Variants in LCLAT1 observed in about 807,000 individuals in gnomAD.
The protein encoded by LCLAT1 is 1-AGP acyltransferase 8.
Under a neutral mutation model 30.7 loss-of-function variants are expected in LCLAT1, and 11 were observed. The observed-to-expected ratio is 0.36, with a 90% confidence interval of 0.23 to 0.59. The LOEUF is 0.59. LCLAT1 is among the 20% of genes least tolerant of loss of function. The pLI is 0.77. For synonymous variants in LCLAT1, 155 were observed against 151.3 expected (o/e 1.02, Z -0.18); for missense variants, 402 against 458.6 (o/e 0.88, Z 1.13).
At chr2:30,492,389 A>G (rs145978411) in intron 1 of LCLAT1, among the ~76,000 whole-genome samples, 1 of 152,222 alleles carries the variant, frequency 6.6e-6, no homozygotes, top group East Asian at 1.9e-4. Flanking sequence ...ATATGAGCAA[A>G]TGCTTAGACA....
At chr2:30,499,298 A>G (rs1684254427) in intron 1 of LCLAT1, among the ~76,000 whole-genome samples, 2 of 152,194 alleles carry the variant, frequency 1.3e-5, no homozygotes, top group African/African-American at 4.8e-5. Context: ...CTCCTGCCTC[A>G]GCCTCCCGAG....
At chr2:30,569,387 G>A (rs757405452) in intron 5 of LCLAT1, among the ~76,000 whole-genome samples, 8 of 152,102 alleles carry the variant, frequency 5.3e-5, no homozygotes, top group Admixed American at 2.6e-4. Flanking sequence ...GTAACTATTC[G>A]GAAACATACT....
At chr2:30,611,481 G>C (rs928844167) in intron 5 of LCLAT1, among the ~76,000 whole-genome samples, 4 of 152,014 alleles carry the variant, frequency 2.6e-5, no homozygotes, top group African/African-American at 9.7e-5. Flanking sequence ...ATTTCCAGCC[G>C]TATCCTCTTT....
chr2:30,560,326 A>AT (rs1665147783), intron 3 of LCLAT1, among the ~76,000 whole-genome samples: 3 of 91,214 alleles, frequency 3.3e-5, no homozygotes, highest in African/African-American at 7.4e-5. Flanking sequence ...GTGTGTGTGT[A>AT]TTATTTATTT....
chr2:30,609,257 TAAG>T (rs1187144971), intron 5 of LCLAT1, among the ~76,000 whole-genome samples: 4 of 151,856 alleles, frequency 2.6e-5, no homozygotes, highest in African/African-American at 9.6e-5. Context: ...GTAATCAAAT[TAAG>T]AAGTTTTTAT....
At chr2:30,603,095 A>G (rs919498180) in intron 5 of LCLAT1, among the ~76,000 whole-genome samples, 11 of 152,174 alleles carry the variant, frequency 7.2e-5, no homozygotes, top group Non-Finnish European at 1.5e-4. Flanking sequence ...CTTCAGTGAA[A>G]TAATATATCT....
At chr2:30,459,153 T>TA (rs1275972796) in intron 1 of LCLAT1, among the ~76,000 whole-genome samples, 1 of 152,184 alleles carries the variant, frequency 6.6e-6, no homozygotes, top group Non-Finnish European at 1.5e-5. Flanking sequence ...TTGAATACCC[T>TA]ATGTGTTACA....
At chr2:30,464,055 G>T (rs1682301073) in intron 1 of LCLAT1, among the ~76,000 whole-genome samples, 1 of 152,082 alleles carries the variant, frequency 6.6e-6, no homozygotes, top group Non-Finnish European at 1.5e-5. Flanking sequence ...TTTTAAAAGG[G>T]CTCTATCAGT....
At chr2:30,473,860 G>T (rs989659790) in intron 1 of LCLAT1, among the ~76,000 whole-genome samples, 4 of 152,136 alleles carry the variant, frequency 2.6e-5, no homozygotes, top group Non-Finnish European at 5.9e-5. Flanking sequence ...ATTTATACCA[G>T]TGAAATTTAT....
At chr2:30,603,922 A>AAAAT (rs1211637025) in intron 5 of LCLAT1, among the ~76,000 whole-genome samples, 1 of 152,218 alleles carries the variant, frequency 6.6e-6, no homozygotes, top group East Asian at 1.9e-4. Context: ...AGCAAAGAGA[A>AAAAT]AAATAAGGTA....
intron 5 of LCLAT1, among the ~76,000 whole-genome samples, chr2:30,633,772 T>G (rs944979432): frequency 2.0e-5 from 3 of 152,234 alleles, no homozygotes; most frequent in African/African-American, 7.2e-5. Flanking sequence ...ATTTTAGTTG[T>G]TATGAGATCA....
At chr2:30,507,324 TA>T (rs573186415) in intron 1 of LCLAT1, among the ~76,000 whole-genome samples, 103 of 152,332 alleles carry the variant, frequency 6.8e-4, no homozygotes, top group Non-Finnish European at 1.6e-4. Context: ...TCAAATTTTT[TA>T]TTAAATATTT....
At position 30,533,224 on chromosome 2, in the gene LCLAT1, A is replaced by G; in HGVS notation, c.274A>G (p.Met92Val). ...GAACCATCGGACAAGAATGGACTGG[A>G]TGTTCCTGTGGAATTGCCTGATGCG... ...IMNHRTRMDW[M>V]FLWNCLMRYS... The change falls in exon 3 of 6, where the codon ATG (methionine) becomes GTG (valine). Residue 92 changes from methionine to valine, a missense_variant. Physicochemically the swap from Met to Val is conservative, Grantham distance 21. Coordinates refer to ENST00000379509, the MANE Select transcript of LCLAT1 (RefSeq NM_001002257.3). 1.2e-6 allele frequency: 2 copies of G among 1,613,998 alleles called. No individual in the cohort carries two copies. The highest frequency in any genetic ancestry group is 8.5e-7 in the Non-Finnish European group (1 of 1,179,876).
chr2:30,448,186 G>C (rs1681361617), intron 1 of LCLAT1, among the ~76,000 whole-genome samples: 1 of 152,184 alleles, frequency 6.6e-6, no homozygotes, highest in African/African-American at 2.4e-5. Flanking sequence ...AGGGATTGAA[G>C]TCACTTTAAG....
chr2:30,549,462 A>T (rs181884147), intron 3 of LCLAT1, among the ~76,000 whole-genome samples: 1 of 152,356 alleles, frequency 6.6e-6, no homozygotes, highest in Admixed American at 6.5e-5. Flanking sequence ...TGCTTTTATA[A>T]TGGTAACTTC....
At chr2:30,588,787 A>T (rs1160544688) in intron 5 of LCLAT1, among the ~76,000 whole-genome samples, 1 of 152,006 alleles carries the variant, frequency 6.6e-6, no homozygotes, top group Admixed American at 6.6e-5. Context: ...TTTAGTCGAG[A>T]CAGGGTTTCT....
chr2:30,585,585 C>T (rs1170651784), intron 5 of LCLAT1, among the ~76,000 whole-genome samples: 1 of 152,216 alleles, frequency 6.6e-6, no homozygotes, highest in African/African-American at 2.4e-5. Context: ...TGCAACATCT[C>T]ACTCTCTAGG....
In LCLAT1 at chr2:30,534,219, CTGTGTGTGTGTGTGTGTGTGTGTGTG is replaced by C. The variant is rs57380693; in HGVS notation, c.364+935_364+960del. ...AGCAAGGGTGTTTGTAGTTGATTTA[CTGTGTGTGTGTGTGTGTGTGTGTGTG>C]TGTGTGTGTGTGTGTGTGTGTGTGT... On this transcript the variant is annotated intron_variant, in intron 3 of 5. Transcript: ENST00000379509. Among the ~76,000 whole-genome samples, 389 of 130,578 alleles carry C rather than the reference CTGTGTGTGTGTGTGTGTGTGTGTGTG, an allele frequency of 3.0e-3. 2 individuals are homozygous for C. Among genetic ancestry groups the C allele is most frequent in the African/African-American group, 9.6e-3 (332 of 34,540 alleles). The allele number at this position is 130,578 out of a possible 152,430, so 85.7% of individuals were successfully genotyped here.
At chr2:30,479,307 G>T (rs1363777443) in intron 1 of LCLAT1, among the ~76,000 whole-genome samples, 1 of 151,818 alleles carries the variant, frequency 6.6e-6, no homozygotes, top group Non-Finnish European at 1.5e-5. Context: ...ATAGCTCTCT[G>T]CAGCTTCCAA....
Sources: gnomAD v4.1 joint callset for allele counts (sites outside exome capture counted in the v4.1 genomes callset) on GRCh38, gnomAD v4.1.1 for gene constraint, MANE v1.5 for transcripts, NCBI Gene and HGNC (gene_info 2026-07-23, HGNC 2026-07-21) for gene names.